Variants in DDX51 observed in about 807,000 individuals in gnomAD.
DDX51 encodes ATP-dependent RNA helicase DDX51.
A neutral mutation model predicts 74.6 loss-of-function variants in DDX51; 67 were observed. The ratio of observed to expected loss-of-function variants is 0.90; its 90% CI spans 0.74 to 1.10. The LOEUF (loss-of-function observed/expected upper bound fraction) is 1.10. Ranked by LOEUF, DDX51 falls within the 50% of genes least tolerant of loss-of-function variation. The pLI is 0.00. For missense variants in DDX51, 1,056 were observed against 905.2 expected, an observed-to-expected ratio of 1.17 and a Z score of -2.14; for synonymous variants, 545 against 402.9, an observed-to-expected ratio of 1.35 and a Z score of -4.22.
At position 132,139,535 on chromosome 12, in the gene DDX51, C is replaced by T. The variant is rs750058910; in HGVS notation, c.1974+100G>A. 5.5e-5 allele frequency: 88 copies of T among 1,606,288 alleles called. No homozygotes were observed. The South Asian group carries it at 6.4e-4, about 12-fold the overall frequency. On this transcript the variant is annotated intron_variant, in intron 14 of 14. Transcript: ENST00000397333. ...CCTGTGTGACCCTCTGTTGCCTTCTCGCTTTCCTCTTTTTCCCTCTTTTCT... is the reference window on the plus strand; with the variant it reads ...CCTGTGTGACCCTCTGTTGCCTTCTTGCTTTCCTCTTTTTCCCTCTTTTCT...
In DDX51 at chr12:132,140,505, C is replaced by T. The variant is rs1897407453; in HGVS notation, c.1591G>A (p.Asp531Asn). The T allele has an allele frequency of 1.2e-6, 2 of 1,613,106 alleles. No homozygotes were observed. The highest frequency in any genetic ancestry group is 4.5e-5 in the East Asian group (2 of 44,882). ...FLLVQAFGGV[D>N]VAEFSSRYGP... ...TAGCGCGAGGAGAACTCAGCCACGT[C>T]CACACCCCCAAAAGCTTGCACCAGC... The change falls in exon 11 of 15, where the codon GAC becomes AAC. Residue 531 changes from aspartate to asparagine, a missense_variant. Physicochemically the swap from Asp to Asn is conservative, Grantham distance 23. Coordinates refer to ENST00000397333, the MANE Select transcript of DDX51 (RefSeq NM_175066.4).
chr12:132,137,310 G>T lies in DDX51; in HGVS notation c.*1962C>A, dbSNP rs1041902522. ...ACACCCCCCGCACTCCTGTGCCCGA[G>T]CTGTCTCATCTGTGATTCACAGTCT... On this transcript the variant is annotated 3_prime_UTR_variant, in exon 15 of 15. Coordinates refer to ENST00000397333, the MANE Select transcript of DDX51 (RefSeq NM_175066.4). The T allele has an allele frequency of 1.3e-5, 2 of 152,104 alleles. No homozygotes were observed. The allele number at this position is 152,104 out of a possible 1,614,324, so 9.4% of individuals were successfully genotyped here. A position where few individuals can be genotyped will look rare whatever the true frequency, so the allele number is the denominator to read the frequency against.
At position 132,144,008 on chromosome 12, in the gene DDX51, C is replaced by T; in HGVS notation, c.289G>A (p.Glu97Lys). 1 of 1,376,992 alleles carries T rather than the reference C, an allele frequency of 7.3e-7. No homozygotes were observed. The highest frequency in any genetic ancestry group is 9.3e-7 in the Non-Finnish European group (1 of 1,070,672). 85.3% of individuals were successfully genotyped at this position (1,376,992 alleles called of 1,614,324 possible). The change falls in exon 1 of 15, where the codon GAG becomes AAG. Residue 97 changes from glutamate (E) to lysine (K), a missense_variant. Coordinates refer to ENST00000397333, the MANE Select transcript of DDX51 (RefSeq NM_175066.4). ...CGCGGCCCACCTGCGCCCGCGTCCT[C>T]GCCGTCCGCCTTCCGTCGCTTTCCC... ...PQGKRRKADG[E>K]DAGAESNEEA...
chr12:132,140,306 G>A (rs1897397264), intron 11 of DDX51, 107 bp from the exon 12 acceptor site: 1 of 1,554,562 alleles, frequency 6.4e-7, no homozygotes, highest in African/African-American at 1.4e-5. Flanking sequence ...TGGCTGCCAT[G>A]GGGCTGGGGC....
At chr12:132,141,080 A>G in intron 8 of DDX51, 60 bp from the exon 9 acceptor site, 2 of 1,540,594 alleles carry the variant, frequency 1.3e-6, no homozygotes, top group Non-Finnish European at 8.7e-7. Context: ...CCTCCAGGGA[A>G]CAGGATTCCT....
chr12:132,142,223 C>T (rs1484633648), intron 4 of DDX51, 33 bp from the exon 5 acceptor site: 2 of 1,596,062 alleles, frequency 1.3e-6, no homozygotes, highest in South Asian at 1.1e-5. Flanking sequence ...GTCAGCAAGG[C>T]TGTTACCTGT....
Position 132,140,176 on chromosome 12 carries a change from G to A in DDX51, c.1697C>T (p.Ala566Val), listed in dbSNP as rs780089893. 5.0e-6 allele frequency: 8 copies of A among 1,612,748 alleles called. No homozygotes were observed. The highest frequency in any genetic ancestry group is 6.8e-6 in the Non-Finnish European group (8 of 1,179,922). The change falls in exon 12 of 15, where the codon GCG (alanine) becomes GTG (valine). Residue 566 changes from alanine to valine, a missense_variant. Transcript: ENST00000397333. ...CACACCCTGCACGTCGATGCCTCGC[G>A]CGGTGGCGTCCGTGCTGATGAGCCT... is the stretch of plus-strand genomic sequence containing the variant. Reference protein sequence around the residue: ...IQLLISTDATARGIDVQGVEL... With the variant: ...IQLLISTDATVRGIDVQGVEL...
chr12:132,143,195 C>CACCCCCA, intron 2 of DDX51: 3 of 440,040 alleles, frequency 6.8e-6, no homozygotes, highest in South Asian at 6.4e-5. Context: ...CTCTGCCTGG[C>CACCCCCA]ACCCCCAACC....
chr12:132,138,843 C>T lies in DDX51; in HGVS notation c.*429G>A, dbSNP rs1012470842. The T allele has an allele frequency of 1.0e-4, 18 of 173,020 alleles. No individual in the cohort carries two copies. Among genetic ancestry groups the T allele is most frequent in the South Asian group, 1.7e-4 (1 of 5,940 alleles). The allele number at this position is 173,020 out of a possible 1,614,324, so 10.7% of individuals were successfully genotyped here. ...ATGTTGGTCAGGCTGGTCTCGAACT[C>T]GTGACCTCAGGTGATCCACCCGCCT... is the stretch of plus-strand genomic sequence containing the variant. On this transcript the variant is annotated 3_prime_UTR_variant, in exon 15 of 15. Coordinates refer to ENST00000397333, the MANE Select transcript of DDX51 (RefSeq NM_175066.4).
In DDX51 at chr12:132,140,522, T is replaced by C; in HGVS notation, c.1574A>G (p.Gln525Arg). 2.5e-6 allele frequency: 4 copies of C among 1,612,958 alleles called. No homozygotes were observed. The highest frequency in any genetic ancestry group is 3.4e-6 in the Non-Finnish European group (4 of 1,179,998). ...ENSHRLFLLV[Q>R]AFGGVDVAEF... ...AGCCACGTCCACACCCCCAAAAGCT[T>C]GCACCAGCAGGAAGAGCCTAGGCAG... Residue 525 changes from glutamine (Q) to arginine (R), a missense_variant, in exon 11 of 15, where the codon CAA becomes CGA. Coordinates refer to ENST00000397333, the MANE Select transcript of DDX51 (RefSeq NM_175066.4).
rs777632455 is a variant in DDX51, at chr12:132,141,336, C to A, written c.1189G>T (p.Asp397Tyr). The part of the protein sequence containing the change: ...RVVAAAFQSE[D>Y]PADPCALLQR... ...AGCAGGGCACAGGGGTCCGCGGGGTCCTCGCTCTGGAAGGCGGCCGCCACC... is the reference window on the plus strand; with the variant it reads ...AGCAGGGCACAGGGGTCCGCGGGGTACTCGCTCTGGAAGGCGGCCGCCACC... The change falls in exon 8 of 15, where the codon GAC becomes TAC. Residue 397 changes from aspartate to tyrosine, a missense_variant. Physicochemically the swap from Asp to Tyr is radical, Grantham distance 160. Transcript: ENST00000397333. 16 of 1,598,728 alleles carry A rather than the reference C, an allele frequency of 1.0e-5. No homozygotes were observed. The highest frequency in any genetic ancestry group is 1.3e-5 in the African/African-American group (1 of 74,924).
chr12:132,143,771 G>T lies in DDX51; in HGVS notation c.443C>A (p.Pro148Gln). The T allele has an allele frequency of 6.6e-7, 1 of 1,521,844 alleles. No individual in the cohort carries two copies. 94.3% of individuals were successfully genotyped at this position (1,521,844 alleles called of 1,614,324 possible). The part of the protein sequence containing the change: ...SASAEAAPDG[P>Q]ALEEAAGPLV... ...GGGTCCGGCCGCCTCCTCCAGGGCC[G>T]GTCCATCTGGGGCCGCCTCGGCGCT... Residue 148 changes from proline (P) to glutamine (Q), a missense_variant, in exon 2 of 15, where the codon CCG becomes CAG. Physicochemically the swap from Pro to Gln is moderately conservative, Grantham distance 76 (BLOSUM62 -1). Transcript: ENST00000397333.
Position 132,142,198 on chromosome 12 carries a change from G to A in DDX51, c.817-8C>T, listed in dbSNP as rs377155328. 15 of 1,573,474 alleles carry A rather than the reference G, an allele frequency of 9.5e-6. No homozygotes were observed. The highest frequency in any genetic ancestry group is 4.1e-5 in the African/African-American group (3 of 73,926). ...CACTCTCGAAAGCAGGGCCTGAGGGGGAAGGAGCGCCTGCGTCAGCAAGGC... is the reference window on the plus strand; with the variant it reads ...CACTCTCGAAAGCAGGGCCTGAGGGAGAAGGAGCGCCTGCGTCAGCAAGGC... On this transcript the variant is annotated splice_polypyrimidine_tract_variant and splice_region_variant and intron_variant, in intron 4 of 14. Coordinates refer to ENST00000397333, the MANE Select transcript of DDX51 (RefSeq NM_175066.4).
Position 132,141,832 on chromosome 12 carries a change from C to T in DDX51, c.995+18G>A, listed in dbSNP as rs1299236286. 1 of 1,612,500 alleles carries T rather than the reference C, an allele frequency of 6.2e-7. No homozygotes were observed. The highest frequency in any genetic ancestry group is 2.2e-5 in the East Asian group (1 of 44,890). ...GAGCAGGGACCCCCTGAAAAACCCG[C>T]ACCCTGACACAACCTACGTTTTCTG... is the stretch of plus-strand genomic sequence containing the variant. On this transcript the variant is annotated intron_variant, in intron 6 of 14. Coordinates refer to ENST00000397333, the MANE Select transcript of DDX51 (RefSeq NM_175066.4).
At position 132,140,001 on chromosome 12, in the gene DDX51, A is replaced by G. The variant is rs777548969; in HGVS notation, c.1776-77T>C. On this transcript the variant is annotated intron_variant, in intron 12 of 14. Coordinates refer to ENST00000397333, the MANE Select transcript of DDX51 (RefSeq NM_175066.4). ...TGACGGAACGACAGCTTCTCTCCAC[A>G]CCAACCCCACCCCACGCCAGTCAAG... The G allele has an allele frequency of 2.7e-4, 431 of 1,607,764 alleles. 1 individual carries two copies. The highest frequency in any genetic ancestry group is 3.5e-4 in the Non-Finnish European group (410 of 1,176,786).
chr12:132,142,394 C>T lies in DDX51; in HGVS notation c.699G>A (p.Leu233=). 6.2e-7 allele frequency: 1 copy of T among 1,612,664 alleles called. No individual in the cohort carries two copies. Among genetic ancestry groups the T allele is most frequent in the South Asian group, 1.1e-5 (1 of 91,082 alleles). Reference sequence around the variant, plus strand: ...CCAGAAACCCACAGGCTGCGCTCTCCAGGAGGGCAGGAATCACAGCTGCCT... The same window carrying T: ...CCAGAAACCCACAGGCTGCGCTCTCTAGGAGGGCAGGAATCACAGCTGCCT... ...PVQAAVIPAL[L]ESAACGFLVG... The change falls in exon 4 of 15, where the codon CTG becomes CTA. Residue 233 remains leucine (L), a synonymous_variant. Transcript: ENST00000397333.
chr12:132,140,375 G>A (rs1157061840), intron 11 of DDX51, 48 bp downstream of exon 11: 2 of 1,604,246 alleles, frequency 1.2e-6, no homozygotes, highest in South Asian at 1.1e-5. Flanking sequence ...TGACCCTGGA[G>A]TGGGCACCCC....
Position 132,139,255 on chromosome 12 carries a change from G to T in DDX51, c.*17C>A. The T allele has an allele frequency of 6.2e-7, 1 of 1,606,876 alleles. No individual in the cohort carries two copies. On this transcript the variant is annotated 3_prime_UTR_variant, in exon 15 of 15. Transcript: ENST00000397333. ...GGGTGGTGAGCGTTCAGTCCCTCCG[G>T]CCCTCTGAGCCCCAGCCTAGGCCGC...
rs958898277 is a variant in DDX51 at position 132,137,414 on chromosome 12, G to A, written c.*1858C>T. 10 of 151,896 alleles carry A rather than the reference G, an allele frequency of 6.6e-5. No individual in the cohort carries two copies. The highest frequency in any genetic ancestry group is 4.6e-4 in the Admixed American group (7 of 15,278). The allele number at this position is 151,896 out of a possible 1,614,324, so 9.4% of individuals were successfully genotyped here. A position where few individuals can be genotyped will look rare whatever the true frequency, so the allele number is the denominator to read the frequency against. ...GGGAGCTATTTTTGAGCTGCTTTTT[G>A]TTAAAAGGCAAATTTTCTGCTGGGG... On this transcript the variant is annotated 3_prime_UTR_variant, in exon 15 of 15. Coordinates refer to ENST00000397333, the MANE Select transcript of DDX51 (RefSeq NM_175066.4).
Sources: allele counts gnomAD v4.1 joint callset, GRCh38; gene constraint gnomAD v4.1.1; transcripts MANE v1.5; gene names NCBI Gene and HGNC (gene_info 2026-07-23, HGNC 2026-07-21).